The following GDPD4 variants were observed in gnomAD, a reference collection of about 807,000 sequenced individuals.
GDPD4 encodes glycerophosphodiester phosphodiesterase domain containing 4, also known as glycerophosphodiester phosphodiesterase 6.
GDPD4 carries 60 observed loss-of-function variants against 67.8 expected under a neutral mutation model. That is an observed-to-expected ratio of 0.88 (90% confidence interval 0.72 to 1.10). The LOEUF (loss-of-function observed/expected upper bound fraction) is 1.10. Ranked by LOEUF, GDPD4 falls within the 50% of genes least tolerant of loss-of-function variation. The pLI, the probability that GDPD4 is intolerant of heterozygous loss-of-function variation, is 0.00. For missense variants in GDPD4, 623 were observed against 613.9 expected, an observed-to-expected ratio of 1.01 and a Z score of -0.16; for synonymous variants, 212 against 210.9, an observed-to-expected ratio of 1.00 and a Z score of -0.04.
rs1958862659 is a variant in GDPD4, at chr11:77,250,185, AC to A, written c.865-4684del. On this transcript the variant is annotated intron_variant, in intron 11 of 16. Coordinates refer to ENST00000315938, the MANE Select transcript of GDPD4 (RefSeq NM_182833.3). ...ATGCTGAGATTTGAAGTATGAATGA[AC>A]TCATCACTCAGGTACTAAGCTCAGT... Among the ~76,000 whole-genome samples, 4 of 152,182 alleles carry A rather than the reference AC, an allele frequency of 2.6e-5. No homozygotes were observed. The South Asian group carries it at 8.3e-4, about 32-fold the overall frequency.
At chr11:77,300,334 T>C (rs1938118173) in intron 1 of GDPD4, among the ~76,000 whole-genome samples, 2 of 152,220 alleles carry the variant, frequency 1.3e-5, no homozygotes, top group Admixed American at 6.5e-5. Flanking sequence ...CTTGTCCAAG[T>C]GTGTGCTCAC....
At chr11:77,236,065 AC>A (rs1177223129) in intron 13 of GDPD4, among the ~76,000 whole-genome samples, 1 of 152,026 alleles carries the variant, frequency 6.6e-6, no homozygotes, top group African/African-American at 2.4e-5. Context: ...TGATCAAAAA[AC>A]CCCACAAGGA....
intron 2 of GDPD4, 27 bp from the exon 3 acceptor site, chr11:77,285,214 T>C: frequency 8.8e-7 from 1 of 1,141,604 alleles, no homozygotes; most frequent in South Asian, 1.3e-5. Context: ...GAAATCTAAC[T>C]TAGCTCCATT....
intron 11 of GDPD4, among the ~76,000 whole-genome samples, chr11:77,246,691 G>A (rs1420577952): frequency 1.3e-5 from 2 of 152,156 alleles, no homozygotes; most frequent in African/African-American, 4.8e-5. Flanking sequence ...GGGTCTGGGA[G>A]TATGTCTGGT....
chr11:77,250,707 T>C (rs980802746), intron 11 of GDPD4, among the ~76,000 whole-genome samples: 2 of 152,204 alleles, frequency 1.3e-5, no homozygotes, highest in Admixed American at 6.5e-5. Context: ...CAATCCAATG[T>C]TGATCTTTTG....
intron 13 of GDPD4, among the ~76,000 whole-genome samples, chr11:77,240,028 G>C (rs1484530149): frequency 6.6e-6 from 1 of 151,574 alleles, no homozygotes; most frequent in East Asian, 1.9e-4. Context: ...ATGTGTTTAT[G>C]GATTGAAAGA....
chr11:77,298,469 G>A (rs1938051526), intron 1 of GDPD4, among the ~76,000 whole-genome samples: 1 of 152,184 alleles, frequency 6.6e-6, no homozygotes, highest in Admixed American at 6.6e-5. Flanking sequence ...CAGAGATGGT[G>A]CCACTGCTCT....
chr11:77,294,594 A>G (rs1937886833), intron 1 of GDPD4, among the ~76,000 whole-genome samples: 1 of 152,222 alleles, frequency 6.6e-6, no homozygotes, highest in Non-Finnish European at 1.5e-5. Flanking sequence ...CAGGTTCAAC[A>G]TGATTCCAAT....
intron 3 of GDPD4, 101 bp downstream of exon 3, chr11:77,284,984 C>G: frequency 2.3e-6 from 2 of 863,990 alleles, no homozygotes; most frequent in African/African-American, 1.7e-5. Flanking sequence ...TGTCCGCCTT[C>G]CCTACTATAT....
At chr11:77,262,012 A>G (rs929069061) in intron 10 of GDPD4, among the ~76,000 whole-genome samples, 3 of 152,244 alleles carry the variant, frequency 2.0e-5, no homozygotes, top group Admixed American at 1.3e-4. Flanking sequence ...ATTTCCAAAT[A>G]AGCTAAATAG....
rs73499518 is a variant in GDPD4, at chr11:77,255,240, A to C, written c.864+3146T>G. Among the ~76,000 whole-genome samples, 531 of 152,268 alleles carry C rather than the reference A, an allele frequency of 3.5e-3. 2 individuals are homozygous for C. Among genetic ancestry groups the C allele is most frequent in the African/African-American group, 0.012 (503 of 41,544 alleles). ...TCACTTACAACTAACCCAAACATTC[A>C]AAACTGGAGACAGTTTTGAAGAAAT... On this transcript the variant is annotated intron_variant, in intron 11 of 16. Coordinates refer to ENST00000315938, the MANE Select transcript of GDPD4 (RefSeq NM_182833.3).
At chr11:77,280,524 T>C (rs557427397) in intron 3 of GDPD4, among the ~76,000 whole-genome samples, 7 of 152,184 alleles carry the variant, frequency 4.6e-5, no homozygotes, top group Non-Finnish European at 1.0e-4. Context: ...GCTTTCCAAG[T>C]AACAAAGAAA....
At chr11:77,297,649 C>T (rs1321282121) in intron 1 of GDPD4, among the ~76,000 whole-genome samples, 4 of 151,920 alleles carry the variant, frequency 2.6e-5, no homozygotes, top group Admixed American at 1.3e-4. Context: ...GTATTCTGTA[C>T]CTCAGTTTTC....
chr11:77,289,636 CAGA>C (rs748002244), intron 1 of GDPD4, among the ~76,000 whole-genome samples: 2 of 151,148 alleles, frequency 1.3e-5, no homozygotes, highest in African/African-American at 2.4e-5. Flanking sequence ...GAGGCTGAGG[CAGA>C]AGAATTGTTT....
At chr11:77,294,343 T>C (rs1937879334) in intron 1 of GDPD4, among the ~76,000 whole-genome samples, 1 of 152,218 alleles carries the variant, frequency 6.6e-6, no homozygotes, top group South Asian at 2.1e-4. Context: ...AGATGAAACA[T>C]TTATTTAAAA....
intron 16 of GDPD4, among the ~76,000 whole-genome samples, chr11:77,223,860 C>G (rs1299003954): frequency 1.3e-5 from 2 of 152,158 alleles, no homozygotes; most frequent in Admixed American, 6.5e-5. Flanking sequence ...CTAATTTGAG[C>G]GTCCTGGCTG....
Position 77,258,480 on chromosome 11 carries a change from TCCCCAATATTGG to T in GDPD4, c.758_769del (p.Thr253_Glu257delinsLys). Reference sequence around the variant, plus strand: ...CTCGCAGGCAGATTCTGGCTGAACTTCCCCAATATTGGTTGTTCTTTTCAGGTCAAAGTCATG... The same window carrying T: ...CTCGCAGGCAGATTCTGGCTGAACTTTTGTTCTTTTCAGGTCAAAGTCATG... On this transcript the variant is annotated inframe_deletion, in exon 11 of 17. Coordinates refer to ENST00000315938, the MANE Select transcript of GDPD4 (RefSeq NM_182833.3). The T allele has an allele frequency of 1.2e-6, 2 of 1,614,036 alleles. No individual in the cohort carries two copies. Among genetic ancestry groups the T allele is most frequent in the Non-Finnish European group, 1.7e-6 (2 of 1,179,928 alleles).
rs572286745 is a variant in GDPD4 at position 77,280,403 on chromosome 11, C to A, written c.54-1004G>T. Among the ~76,000 whole-genome samples, 480 of 148,888 alleles carry A rather than the reference C, an allele frequency of 3.2e-3. 2 individuals carry two copies. Among genetic ancestry groups the A allele is most frequent in the African/African-American group, 0.011 (458 of 40,702 alleles). The stretch of plus-strand genomic sequence containing the variant: ...GCACAGGTGGTTATTAAACAGAGAT[C>A]TTGAAAAAAAATTTTCGAAATTAAA... On this transcript the variant is annotated intron_variant, in intron 3 of 16. Transcript: ENST00000315938.
At chr11:77,287,456 C>T (rs1216545091) in intron 1 of GDPD4, 36 bp from the exon 2 acceptor site, 1 of 152,092 alleles carries the variant, frequency 6.6e-6, no homozygotes, top group Non-Finnish European at 1.5e-5. Context: ...GATCTAGTGT[C>T]GCTCCCCTTA....
Sources: gnomAD v4.1 joint callset for allele counts (sites outside exome capture counted in the v4.1 genomes callset) on GRCh38, gnomAD v4.1.1 for gene constraint, MANE v1.5 for transcripts, NCBI Gene and HGNC (gene_info 2026-07-23, HGNC 2026-07-21) for gene names.